The following BRIP1 variants were observed in gnomAD, a reference collection of about 807,000 sequenced individuals.
BRIP1 encodes Fanconi anemia group J protein.
BRIP1 carries 88 observed loss-of-function variants against 119.7 expected under a neutral mutation model. The ratio of observed to expected loss-of-function variants is 0.74; its 90% CI spans 0.62 to 0.88. BRIP1 has a LOEUF of 0.88. Ranked by LOEUF, BRIP1 falls within the 40% of genes least tolerant of loss-of-function variation. The probability of loss-of-function intolerance (pLI) is 0.00; values close to 1 mark genes in which losing one functional copy is unlikely to be tolerated. For missense variants in BRIP1, 1,259 were observed against 1,455.4 expected, an observed-to-expected ratio of 0.87 and a Z score of 2.20; for synonymous variants, 443 against 496.5, an observed-to-expected ratio of 0.89 and a Z score of 1.43.
In BRIP1 at chr17:61,834,055, T is replaced by C. The variant is rs1043465647; in HGVS notation, c.627+13046A>G. The stretch of plus-strand genomic sequence containing the variant: ...TAAAATGCGTTCAAAAAAACTTTAT[T>C]TATAAAAGCAGGCAGCAGGCTGTAT... On this transcript the variant is annotated intron_variant, in intron 6 of 19. Transcript: ENST00000259008. The surrounding 1 kb of genome is among the most constrained non-coding windows in gnomAD (Gnocchi z 4.4). Among the ~76,000 whole-genome samples the C allele has an allele frequency of 2.0e-5, 3 of 152,132 alleles. No homozygotes were observed. In the South Asian group the frequency reaches 6.2e-4, roughly 31 times the overall value.
At chr17:61,747,669 A>G (rs971648234) in intron 14 of BRIP1, among the ~76,000 whole-genome samples, 17 of 152,236 alleles carry the variant, frequency 1.1e-4, no homozygotes, top group African/African-American at 4.1e-4. Context: ...AATGGCCTCA[A>G]TACCGATTCT....
rs927925581 is a variant in BRIP1, at chr17:61,793,037, T to C, written c.1473+560A>G. ...CATTCTAAAATACATAATCTATTAA[T>C]TTAAATAAGTAAATAGCAACAAAAA... On this transcript the variant is annotated intron_variant, in intron 10 of 19. Coordinates refer to ENST00000259008, the MANE Select transcript of BRIP1 (RefSeq NM_032043.3). The surrounding 1 kb of genome is among the most constrained non-coding windows in gnomAD (Gnocchi z 5.2). 6.6e-6 allele frequency among the ~76,000 whole-genome samples: 1 copy of C among 152,098 alleles called. No homozygotes were observed. The highest frequency in any genetic ancestry group is 1.5e-5 in the Non-Finnish European group (1 of 68,026).
rs1008581429 is a variant in BRIP1 at position 61,738,814 on chromosome 17, T to C, written c.2379+4199A>G. 2.0e-5 allele frequency among the ~76,000 whole-genome samples: 3 copies of C among 152,218 alleles called. No individual in the cohort carries two copies. The highest frequency in any genetic ancestry group is 4.1e-4 in the South Asian group (2 of 4,828). On this transcript the variant is annotated intron_variant, in intron 16 of 19. Transcript: ENST00000259008. This position sits in a 1 kb window ranked among gnomAD's most constrained non-coding sequence, Gnocchi z 4.2. The stretch of plus-strand genomic sequence containing the variant: ...TATTTTCTTGCAGCTTATTTTCCTT[T>C]ACTAAAAATTATGGAAAAAGTTAAA...
chr17:61,686,495 A>G lies in BRIP1; in HGVS notation c.2576-330T>C, dbSNP rs1161825757. 6.6e-6 allele frequency among the ~76,000 whole-genome samples: 1 copy of G among 152,108 alleles called. No individual in the cohort carries two copies. The highest frequency in any genetic ancestry group is 2.4e-5 in the African/African-American group (1 of 41,440). On this transcript the variant is annotated intron_variant, in intron 18 of 19. Transcript: ENST00000259008. The surrounding 1 kb of genome is among the most constrained non-coding windows in gnomAD (Gnocchi z 5.4). ...TAATTTCATCATAATTCCCCACAAA[A>G]ATTGCCTTTTTTTTTTGTAGGGAAA...
intron 10 of BRIP1, among the ~76,000 whole-genome samples, chr17:61,791,426 T>A (rs2077814216): frequency 7.7e-6 from 1 of 129,266 alleles, no homozygotes; most frequent in South Asian, 2.5e-4. Context: ...GAGGCAGAGG[T>A]TGCAGTGAGC....
rs989911136 is a variant in BRIP1, at chr17:61,686,300, GT to G, written c.2576-136del. 3.0e-5 allele frequency: 25 copies of G among 827,642 alleles called. No individual in the cohort carries two copies. The highest frequency in any genetic ancestry group is 5.1e-5 in the African/African-American group (3 of 58,442). The allele number at this position is 827,642 out of a possible 1,614,324, so 51.3% of individuals were successfully genotyped here. A position where few individuals can be genotyped will look rare whatever the true frequency, so the allele number is the denominator to read the frequency against. On this transcript the variant is annotated intron_variant, in intron 18 of 19. Transcript: ENST00000259008. The surrounding 1 kb of genome is among the most constrained non-coding windows in gnomAD (Gnocchi z 5.4). ...GAATATACAGAATGGTTCTCCATATGTTTTTTCTGCAATTCAGCAATTTTAC... is the reference window on the plus strand; with the variant it reads ...GAATATACAGAATGGTTCTCCATATGTTTTTCTGCAATTCAGCAATTTTAC...
Position 61,841,538 on chromosome 17 carries a change from CA to C in BRIP1, c.627+5562del, listed in dbSNP as rs200633156. Among the ~76,000 whole-genome samples the C allele has an allele frequency of 6.1e-3, 910 of 148,596 alleles. 9 individuals carry two copies. Among genetic ancestry groups the C allele is most frequent in the East Asian group, 0.024 (120 of 5,104 alleles). Reference sequence around the variant, plus strand: ...TTAGAATGGCTTACTATCGAAAAGACAAAAAAAAATAACAAATGTTAGTGAC... The same window carrying C: ...TTAGAATGGCTTACTATCGAAAAGACAAAAAAAATAACAAATGTTAGTGAC... On this transcript the variant is annotated intron_variant, in intron 6 of 19. Transcript: ENST00000259008. This position sits in a 1 kb window ranked among gnomAD's most constrained non-coding sequence, Gnocchi z 4.1.
chr17:61,771,163 C>A (rs765826626), intron 14 of BRIP1, among the ~76,000 whole-genome samples: 1 of 152,088 alleles, frequency 6.6e-6, no homozygotes, highest in South Asian at 2.1e-4. Flanking sequence ...AAAAGCCAGA[C>A]ACAAAAAGTC....
At chr17:61,718,404 C>A (rs1400157441) in intron 16 of BRIP1, among the ~76,000 whole-genome samples, 1 of 152,206 alleles carries the variant, frequency 6.6e-6, no homozygotes, top group Non-Finnish European at 1.5e-5. Flanking sequence ...TTTTTCTCTT[C>A]TGGCTGCTGG....
intron 13 of BRIP1, among the ~76,000 whole-genome samples, chr17:61,779,235 AAAGG>A (rs1408779063): frequency 1.3e-4 from 20 of 152,190 alleles, no homozygotes; most frequent in African/African-American, 4.1e-4. Context: ...CGTGGATGTA[AAAGG>A]AAGAATCAGG....
chr17:61,765,829 G>GCGCACACA (rs1555598342), intron 14 of BRIP1, among the ~76,000 whole-genome samples: 5 of 146,428 alleles, frequency 3.4e-5, no homozygotes, highest in African/African-American at 1.3e-4. Flanking sequence ...CTATATTCAT[G>GCGCACACA]CACACACACA....
At position 61,767,738 on chromosome 17, in the gene BRIP1, A is replaced by G. The variant is rs1271152176; in HGVS notation, c.2097+8663T>C. 2.6e-5 allele frequency among the ~76,000 whole-genome samples: 4 copies of G among 152,028 alleles called. No individual in the cohort carries two copies. In the East Asian group the frequency reaches 7.7e-4, roughly 29 times the overall value. ...AGTCACCGCACCTGGCCCTTATCCTATGTTTCTTTTATGAAACTCTGCAAC... is the reference window on the plus strand; with the variant it reads ...AGTCACCGCACCTGGCCCTTATCCTGTGTTTCTTTTATGAAACTCTGCAAC... On this transcript the variant is annotated intron_variant, in intron 14 of 19. Transcript: ENST00000259008. The surrounding 1 kb of genome is among the most constrained non-coding windows in gnomAD (Gnocchi z 5.7).
intron 14 of BRIP1, among the ~76,000 whole-genome samples, chr17:61,772,529 A>C (rs1348855546): frequency 6.6e-6 from 1 of 152,094 alleles, no homozygotes; most frequent in Non-Finnish European, 1.5e-5. Context: ...ACACACAAAA[A>C]ATGCTAAGGC....
At chr17:61,773,348 G>A (rs913290819) in intron 14 of BRIP1, among the ~76,000 whole-genome samples, 2 of 152,104 alleles carry the variant, frequency 1.3e-5, no homozygotes, top group Non-Finnish European at 2.9e-5. Context: ...TGGGAAAACT[G>A]GCTAGCCATA....
rs1461022839 is a variant in BRIP1 at position 61,859,841 on chromosome 17, A to C, written c.160T>G (p.Leu54Val). Residue 54 changes from leucine to valine, a missense_variant, in exon 3 of 20, where the codon TTA becomes GTA. This residue lies in a region of BRIP1 where 501 missense variants were observed against 544.0 expected (regional missense o/e 0.92). Coordinates refer to ENST00000259008, the MANE Select transcript of BRIP1 (RefSeq NM_032043.3). ...LESPTGSGKS[L>V]ALLCSALAWQ... ...GCTAAAGCAGAACAAAGTAAGGCTA[A>C]GCTTTTTCCACTTCCTGTGGGACTC... 6.2e-7 allele frequency: 1 copy of C among 1,614,064 alleles called. No individual in the cohort carries two copies. The highest frequency in any genetic ancestry group is 1.1e-5 in the South Asian group (1 of 91,086).
At position 61,857,228 on chromosome 17, in the gene BRIP1, T is replaced by G. The variant is rs957072709; in HGVS notation, c.209A>C (p.Lys70Thr). The G allele has an allele frequency of 2.5e-6, 4 of 1,612,880 alleles. No homozygotes were observed. Among genetic ancestry groups the G allele is most frequent in the Non-Finnish European group, 3.4e-6 (4 of 1,179,176 alleles). Residue 70 changes from lysine to threonine, a missense_variant, in exon 4 of 20, where the codon AAA (lysine) becomes ACA (threonine). By Grantham distance (78) the Lys-to-Thr change is moderately conservative. Coordinates refer to ENST00000259008, the MANE Select transcript of BRIP1 (RefSeq NM_032043.3). The surrounding 1 kb of genome is among the most constrained non-coding windows in gnomAD (Gnocchi z 5.1). ...ALAWQQSLSGKPADEGVSEKA... is the reference protein window; with the variant it reads ...ALAWQQSLSGTPADEGVSEKA... Reference sequence around the variant, plus strand: ...TTCACTTACGCCCTCATCTGCTGGTTTCCCTAAAAATGAAAGAACATCTAT... The same window carrying G: ...TTCACTTACGCCCTCATCTGCTGGTGTCCCTAAAAATGAAAGAACATCTAT...
rs1234326982 is a variant in BRIP1 at position 61,860,115 on chromosome 17, A to G, written c.94-208T>C. ...TTATCTTACTAAAATATCAAGCACA[A>G]GAGAAGAAATGAAAAGAGGAATCTG... On this transcript the variant is annotated intron_variant, in intron 2 of 19. Transcript: ENST00000259008. This position sits in a 1 kb window ranked among gnomAD's most constrained non-coding sequence, Gnocchi z 4.1. Among the ~76,000 whole-genome samples the G allele has an allele frequency of 6.6e-6, 1 of 152,212 alleles. No individual in the cohort carries two copies. The highest frequency in any genetic ancestry group is 2.4e-5 in the African/African-American group (1 of 41,456).
Position 61,726,971 on chromosome 17 carries a change from C to T in BRIP1, c.2380-10908G>A, listed in dbSNP as rs1325647206. Among the ~76,000 whole-genome samples, 2 of 152,052 alleles carry T rather than the reference C, an allele frequency of 1.3e-5. No homozygotes were observed. Among genetic ancestry groups the T allele is most frequent in the African/African-American group, 4.8e-5 (2 of 41,392 alleles). ...CCCGATAACTGTGAATAAACTTTTG[C>T]TAGCAATAACAACTAACAAAATAAA... is the stretch of plus-strand genomic sequence containing the variant. On this transcript the variant is annotated intron_variant, in intron 16 of 19. Transcript: ENST00000259008. The surrounding 1 kb of genome is among the most constrained non-coding windows in gnomAD (Gnocchi z 6.2).
At chr17:61,790,390 CA>C (rs540653916) in intron 10 of BRIP1, among the ~76,000 whole-genome samples, 7 of 151,834 alleles carry the variant, frequency 4.6e-5, no homozygotes, top group African/African-American at 1.7e-4. Flanking sequence ...ACTAAAAATA[CA>C]AAAAATTAGC....
Sources: allele counts gnomAD v4.1 joint callset (sites outside exome capture counted in the v4.1 genomes callset), GRCh38; gene constraint gnomAD v4.1.1; regional missense constraint gnomAD v4.1.1; non-coding constraint Gnocchi (gnomAD v3.1); transcripts MANE v1.5; gene names NCBI Gene and HGNC (gene_info 2026-07-23, HGNC 2026-07-21).